MINDY4B: variants seen among roughly 807,000 people sequenced by gnomAD.
MINDY4B encodes the protein inactive ubiquitin carboxyl-terminal hydrolase MINDY-4B.
MINDY4B carries 25 observed loss-of-function variants against 16.7 expected under a neutral mutation model. The ratio of observed to expected loss-of-function variants is 1.49; its 90% CI spans 1.09 to 2.09. MINDY4B has a LOEUF of 2.09. Among genes scored for constraint, MINDY4B ranks in the 30% most tolerant of loss-of-function variants. The pLI is 0.00. For missense variants in MINDY4B, 327 were observed against 168.4 expected, an observed-to-expected ratio of 1.94 and a Z score of -5.21; for synonymous variants, 132 against 61.9, an observed-to-expected ratio of 2.13 and a Z score of -5.32.
intron 11 of MINDY4B, 93 bp downstream of exon 11, chr3:150,873,094 C>A (rs1391199113): frequency 5.0e-6 from 3 of 602,344 alleles, no homozygotes; most frequent in Admixed American, 2.8e-5. Context: ...TCCTGTGGAG[C>A]TAGCATGAAT....
intron 7 of MINDY4B, among the ~76,000 whole-genome samples, chr3:150,887,321 A>G (rs974413089): frequency 6.6e-6 from 1 of 152,234 alleles, no homozygotes; most frequent in African/African-American, 2.4e-5. Flanking sequence ...TCAGAATAGC[A>G]TGCAATTTAA....
intron 3 of MINDY4B, among the ~76,000 whole-genome samples, chr3:150,899,663 T>G (rs146554616): frequency 0.015 from 2,277 of 152,168 alleles, 23 homozygotes; most frequent in Non-Finnish European, 0.02. Flanking sequence ...TGGAGGTCAG[T>G]CTTGCTACAG....
At chr3:150,879,113 G>A (rs1049028607) in intron 10 of MINDY4B, among the ~76,000 whole-genome samples, 5 of 152,180 alleles carry the variant, frequency 3.3e-5, no homozygotes, top group African/African-American at 9.7e-5. Flanking sequence ...AAAACGAACC[G>A]AAAGCTGTCA....
rs371517676 is a variant in MINDY4B, at chr3:150,884,745, C to A, written c.824+623G>T. Among the ~76,000 whole-genome samples the A allele has an allele frequency of 2.0e-5, 3 of 152,162 alleles. No individual in the cohort carries two copies. In the East Asian group the frequency reaches 5.8e-4, roughly 29 times the overall value. ...CTATTTCTGACTCTCCAAAGTTTAC[C>A]TTTCTTTCAAGGTTCAGAAGAAAGT... is the stretch of plus-strand genomic sequence containing the variant. On this transcript the variant is annotated intron_variant, in intron 8 of 11. Coordinates refer to ENST00000465419, the MANE Select transcript of MINDY4B (RefSeq NM_001351281.2).
In MINDY4B at chr3:150,876,305, T is replaced by G. The variant is rs578184911; in HGVS notation, c.1060-2938A>C. On this transcript the variant is annotated intron_variant, in intron 10 of 11. Transcript: ENST00000465419. ...TCAGAGTGCAAGAATTGAGTCCATG[T>G]AATTCTTTTTTTTTATGCTGTCTAG... Among the ~76,000 whole-genome samples the G allele has an allele frequency of 2.0e-5, 3 of 152,302 alleles. No homozygotes were observed. In the South Asian group the frequency reaches 6.2e-4, roughly 32 times the overall value.
At chr3:150,902,472 C>T (rs1476103545) in intron 3 of MINDY4B, among the ~76,000 whole-genome samples, 1 of 152,220 alleles carries the variant, frequency 6.6e-6, no homozygotes, top group African/African-American at 2.4e-5. Context: ...GGCATCTCAG[C>T]CTCTCTGGTA....
chr3:150,875,810 C>G (rs748369187), intron 10 of MINDY4B, among the ~76,000 whole-genome samples: 1 of 152,098 alleles, frequency 6.6e-6, no homozygotes, highest in Non-Finnish European at 1.5e-5. Flanking sequence ...TATTAAGAGG[C>G]GAGCCTTAAG....
chr3:150,878,810 C>T (rs1226248878), intron 10 of MINDY4B, among the ~76,000 whole-genome samples: 1 of 152,108 alleles, frequency 6.6e-6, no homozygotes, highest in Non-Finnish European at 1.5e-5. Flanking sequence ...ACTTTAAGGT[C>T]CCAGTAAAAA....
chr3:150,901,170 T>A (rs1340829417), intron 3 of MINDY4B: 1 of 152,242 alleles, frequency 6.6e-6, no homozygotes, highest in African/African-American at 2.4e-5. Flanking sequence ...AAGCCAAGAA[T>A]ACATTTTTAT....
At chr3:150,894,422 T>G in intron 3 of MINDY4B, 117 bp from the exon 4 acceptor site, 1 of 569,896 alleles carries the variant, frequency 1.8e-6, no homozygotes. Flanking sequence ...ACATTCAGGT[T>G]TACATATTAC....
chr3:150,877,141 A>G (rs1711497874), intron 10 of MINDY4B, among the ~76,000 whole-genome samples: 1 of 152,110 alleles, frequency 6.6e-6, no homozygotes. Flanking sequence ...GCAGAGTAAT[A>G]AGAGATTTAC....
intron 8 of MINDY4B, among the ~76,000 whole-genome samples, chr3:150,884,250 C>G (rs34110028): frequency 0.079 from 12,070 of 152,224 alleles, 748 homozygotes; most frequent in African/African-American, 0.17. Flanking sequence ...GGGCCATGGT[C>G]TCACCCTTGA....
chr3:150,887,952 C>T (rs556014128), intron 7 of MINDY4B, among the ~76,000 whole-genome samples: 6 of 151,966 alleles, frequency 3.9e-5, no homozygotes, highest in Admixed American at 2.0e-4. Flanking sequence ...ACTAAAAATA[C>T]AAAAAATTAG....
At chr3:150,883,326 T>C (rs1711554638) in intron 9 of MINDY4B, among the ~76,000 whole-genome samples, 1 of 152,210 alleles carries the variant, frequency 6.6e-6, no homozygotes, top group African/African-American at 2.4e-5. Flanking sequence ...TTAAACGTTG[T>C]TTTCCATGGT....
At chr3:150,873,004 A>C (rs1275129649) in intron 11 of MINDY4B, among the ~76,000 whole-genome samples, 183 bp downstream of exon 11, 1 of 152,172 alleles carries the variant, frequency 6.6e-6, no homozygotes, top group African/African-American at 2.4e-5. Context: ...CAGATTTCAA[A>C]TTCCCACATT....
At chr3:150,881,918 G>A (rs900120561) in intron 10 of MINDY4B, among the ~76,000 whole-genome samples, 4 of 152,144 alleles carry the variant, frequency 2.6e-5, no homozygotes, top group Middle Eastern at 3.2e-3. Flanking sequence ...CATAGTAGCT[G>A]GAGACAATAG....
At chr3:150,889,897 G>T (rs1364380539) in intron 7 of MINDY4B, among the ~76,000 whole-genome samples, 1 of 152,236 alleles carries the variant, frequency 6.6e-6, no homozygotes. Context: ...ATAGACAGGT[G>T]AAACAGGACC....
chr3:150,892,290 G>A (rs559467540), intron 5 of MINDY4B, among the ~76,000 whole-genome samples: 2 of 152,314 alleles, frequency 1.3e-5, no homozygotes, highest in African/African-American at 4.8e-5. Context: ...TGACATTGCT[G>A]GAAGCCACAG....
Position 150,901,701 on chromosome 3 carries a change from A to G in MINDY4B, c.309+1548T>C, listed in dbSNP as rs550088523. On this transcript the variant is annotated intron_variant, in intron 3 of 11. Transcript: ENST00000465419. The stretch of plus-strand genomic sequence containing the variant: ...ATGCCTGGCTAATTTTTGTACTTTT[A>G]GTAGAGATGGGGTTTTGCCATGTTG... 2.6e-5 allele frequency among the ~76,000 whole-genome samples: 4 copies of G among 151,544 alleles called. No homozygotes were observed. The East Asian group carries it at 7.8e-4, about 30-fold the overall frequency.
Sources: gnomAD v4.1 joint callset for allele counts (sites outside exome capture counted in the v4.1 genomes callset) on GRCh38, gnomAD v4.1.1 for gene constraint, MANE v1.5 for transcripts, NCBI Gene and HGNC (gene_info 2026-07-23, HGNC 2026-07-21) for gene names.